GET1: variants seen among roughly 807,000 people sequenced by gnomAD.
GET1 encodes congenital heart disease 5 protein.
In GET1, 20 loss-of-function variants were observed where a neutral mutation model predicts 22.6. The observed-to-expected ratio is 0.89, with a 90% CI of 0.62 to 1.29. The LOEUF (loss-of-function observed/expected upper bound fraction) is 1.29, where lower values mean the gene tolerates loss of function less well. GET1 is among the 50% of genes most tolerant of loss of function. GET1 has a pLI of 0.00. For missense variants in GET1, 209 were observed against 219.9 expected, an observed-to-expected ratio of 0.95 and a Z score of 0.31; for synonymous variants, 92 against 83.8, an observed-to-expected ratio of 1.10 and a Z score of -0.53.
chr21:39,399,719 C>G (rs752863339), downstream of GET1, among the ~76,000 whole-genome samples: 14 of 152,036 alleles, frequency 9.2e-5, no homozygotes, highest in African/African-American at 3.1e-4. Context: ...GATTACAGAC[C>G]TGAGCCACCA....
intron 1 of GET1, among the ~76,000 whole-genome samples, chr21:39,411,977 C>G (rs1003303156): frequency 6.6e-6 from 1 of 152,194 alleles, no homozygotes; most frequent in Non-Finnish European, 1.5e-5. Flanking sequence ...AAAGTACTAG[C>G]TCTTTAAACA....
intron 4 of GET1, among the ~76,000 whole-genome samples, chr21:39,394,608 G>T (rs2038519623): frequency 6.6e-6 from 1 of 152,146 alleles, no homozygotes; most frequent in South Asian, 2.1e-4. Flanking sequence ...GGCAGATTTG[G>T]TGTCTGATGA....
chr21:39,391,866 T>C, intron 3 of GET1, 30 bp downstream of exon 3: 1 of 1,611,504 alleles, frequency 6.2e-7, no homozygotes. Flanking sequence ...AGCCGGGTCA[T>C]TGGAGTTGGT....
downstream of GET1, among the ~76,000 whole-genome samples, chr21:39,401,059 C>T (rs911612928): frequency 2.6e-5 from 4 of 151,908 alleles, no homozygotes; most frequent in South Asian, 2.1e-4. Context: ...TACAGGCATG[C>T]GCCACCATGC....
chr21:39,399,535 C>T (rs568291736), downstream of GET1, among the ~76,000 whole-genome samples: 1 of 152,200 alleles, frequency 6.6e-6, no homozygotes, highest in Non-Finnish European at 1.5e-5. Flanking sequence ...ACCTCTGCCT[C>T]CTGGGTTCAA....
chr21:39,425,374 A>G (rs2082076050), intron 1 of GET1, among the ~76,000 whole-genome samples: 1 of 152,228 alleles, frequency 6.6e-6, no homozygotes, highest in South Asian at 2.1e-4. Flanking sequence ...AATCATAACT[A>G]TGAAAGAACT....
At chr21:39,382,731 C>T (rs1384392698) in intron 1 of GET1, among the ~76,000 whole-genome samples, 1 of 152,152 alleles carries the variant, frequency 6.6e-6, no homozygotes, top group Non-Finnish European at 1.5e-5. Context: ...ACAAATATCT[C>T]TTTGAGTCTC....
intron 1 of GET1, among the ~76,000 whole-genome samples, chr21:39,389,643 T>C (rs911340064): frequency 7.9e-5 from 12 of 152,184 alleles, no homozygotes; most frequent in African/African-American, 2.9e-4. Flanking sequence ...TCTGTCTCCC[T>C]CACCCTACAG....
intron 4 of GET1, among the ~76,000 whole-genome samples, chr21:39,403,285 A>G (rs1428066932): frequency 1.3e-5 from 2 of 152,162 alleles, no homozygotes; most frequent in Non-Finnish European, 2.9e-5. Context: ...CGATCAAAGC[A>G]TATGCCAATT....
At chr21:39,396,396 C>T (rs947903507) in intron 4 of GET1, among the ~76,000 whole-genome samples, 2 of 152,060 alleles carry the variant, frequency 1.3e-5, no homozygotes, top group East Asian at 1.9e-4. Flanking sequence ...GGTGCGGTGG[C>T]GGGCGCCTGT....
chr21:39,427,196 A>G (rs1271748544), intron 1 of GET1, among the ~76,000 whole-genome samples: 4 of 152,218 alleles, frequency 2.6e-5, no homozygotes, highest in African/African-American at 9.7e-5. Flanking sequence ...GATGGTCAAC[A>G]TGGACAAGAG....
At chr21:39,418,065 G>A (rs1037819680) in intron 1 of GET1, among the ~76,000 whole-genome samples, 6 of 151,754 alleles carry the variant, frequency 4.0e-5, no homozygotes, top group East Asian at 2.0e-4. Flanking sequence ...CGCGCCCAGC[G>A]GGGGAGTTTC....
intron 1 of GET1, among the ~76,000 whole-genome samples, chr21:39,382,676 G>A (rs1250579423): frequency 6.6e-6 from 1 of 152,174 alleles, no homozygotes; most frequent in African/African-American, 2.4e-5. Flanking sequence ...TGGACACTTG[G>A]GTTGTTTCTA....
downstream of GET1, among the ~76,000 whole-genome samples, chr21:39,398,831 C>G (rs149420951): frequency 1.4e-3 from 214 of 152,120 alleles, 2 homozygotes; most frequent in African/African-American, 4.8e-3. Context: ...TCTTGAACTC[C>G]TGACCTCAGC....
At chr21:39,415,253 C>A (rs2040926091) in intron 1 of GET1, among the ~76,000 whole-genome samples, 1 of 152,078 alleles carries the variant, frequency 6.6e-6, no homozygotes. Flanking sequence ...CAGGGAGGGA[C>A]AAAAAGCATG....
rs1285453777 is a variant in GET1 at position 39,380,330 on chromosome 21, T to G, written c.-55T>G. 2.7e-5 allele frequency: 42 copies of G among 1,550,724 alleles called. No individual in the cohort carries two copies. The East Asian group carries it at 9.7e-4, about 36-fold the overall frequency. ...CGCGCAGGCGCGGTCGCCGCTGTTG[T>G]TGTGGTCCCCATGGAGCTGCCGTAG... On this transcript the variant is annotated 5_prime_UTR_variant, in exon 1 of 5. Transcript: ENST00000649170.
At chr21:39,417,448 C>T (rs565486641) in intron 1 of GET1, among the ~76,000 whole-genome samples, 25 of 152,306 alleles carry the variant, frequency 1.6e-4, no homozygotes, top group African/African-American at 5.5e-4. Context: ...CCCTTCTACT[C>T]TATTCTCTCT....
rs774713229 is a variant in GET1, at chr21:39,380,380, C to A, written c.-5C>A. 1.3e-6 allele frequency: 2 copies of A among 1,599,616 alleles called. No homozygotes were observed. The highest frequency in any genetic ancestry group is 2.7e-5 in the African/African-American group (2 of 74,668). ...GCGGACCCAGCACAGCCAGGAGCGT[C>A]CGGGATGAGCTCAGCCGCGGCCGAC... On this transcript the variant is annotated 5_prime_UTR_variant, in exon 1 of 5. Coordinates refer to ENST00000649170, the MANE Select transcript of GET1 (RefSeq NM_004627.6).
chr21:39,394,972 C>T (rs914958624), intron 4 of GET1, among the ~76,000 whole-genome samples: 6 of 152,086 alleles, frequency 3.9e-5, no homozygotes, highest in African/African-American at 1.2e-4. Context: ...TTGGCTCAAG[C>T]GGTCCTCCCA....
Sources: gnomAD v4.1 joint callset for allele counts (sites outside exome capture counted in the v4.1 genomes callset) on GRCh38, gnomAD v4.1.1 for gene constraint, MANE v1.5 for transcripts, NCBI Gene and HGNC (gene_info 2026-07-23, HGNC 2026-07-21) for gene names.